Variants in MFAP1 observed in about 807,000 individuals in gnomAD.
MFAP1 encodes the protein microfibril associated protein 1, also known as microfibrillar-associated protein 1.
Under a neutral mutation model 62.2 loss-of-function variants are expected in MFAP1, and 18 were observed. The observed-to-expected ratio is 0.29, with a 90% CI of 0.20 to 0.43. The LOEUF is 0.43. Ranked by LOEUF, MFAP1 falls within the 20% of genes least tolerant of loss-of-function variation. The pLI is 1.00. For missense variants in MFAP1, 355 were observed against 559.7 expected (o/e 0.63, Z 3.69); for synonymous variants, 175 against 180.4 (o/e 0.97, Z 0.24).
intron 1 of MFAP1, among the ~76,000 whole-genome samples, chr15:43,823,255 A>C (rs759853502): frequency 2.1e-4 from 31 of 150,764 alleles, no homozygotes; most frequent in African/African-American, 7.6e-4. Context: ...CGAAGTGCTG[A>C]GATTACAGGT....
At chr15:43,816,523 G>C (rs1220854938) in intron 2 of MFAP1, among the ~76,000 whole-genome samples, 1 of 152,208 alleles carries the variant, frequency 6.6e-6, no homozygotes, top group Non-Finnish European at 1.5e-5. Flanking sequence ...AGGATTACAG[G>C]CGTGAGCCAC....
Position 43,824,484 on chromosome 15 carries a change from A to G in MFAP1, c.79+7T>C, listed in dbSNP as rs2087486763. The G allele has an allele frequency of 4.3e-6, 7 of 1,614,032 alleles. No individual in the cohort carries two copies. Among genetic ancestry groups the G allele is most frequent in the Non-Finnish European group, 5.9e-6 (7 of 1,179,966 alleles). On this transcript the variant is annotated splice_region_variant and intron_variant, in intron 1 of 8. Coordinates refer to ENST00000267812, the MANE Select transcript of MFAP1 (RefSeq NM_005926.3). ...ATTCGACTGGGAAGAGGGTGTTAGC[A>G]CCGTACCTTTCTCATTGCGAACTGG...
intron 7 of MFAP1, among the ~76,000 whole-genome samples, chr15:43,806,378 A>G (rs1274567300): frequency 6.6e-6 from 1 of 152,122 alleles, no homozygotes; most frequent in Non-Finnish European, 1.5e-5. Flanking sequence ...GGACCAGCGT[A>G]CTCTTCGATT....
At chr15:43,820,478 T>A (rs2087460686) in intron 1 of MFAP1, among the ~76,000 whole-genome samples, 1 of 152,230 alleles carries the variant, frequency 6.6e-6, no homozygotes, top group Non-Finnish European at 1.5e-5. Flanking sequence ...GATTATATGG[T>A]TGTCTTTGTA....
intron 4 of MFAP1, among the ~76,000 whole-genome samples, chr15:43,814,049 T>A (rs2087419593): frequency 6.6e-6 from 1 of 151,836 alleles, no homozygotes; most frequent in Non-Finnish European, 1.5e-5. Context: ...AGGTTGGGAG[T>A]TCGAGACCAG....
chr15:43,824,506 C>A lies in MFAP1; in HGVS notation c.64G>T (p.Val22Phe), dbSNP rs1316247344. 6.2e-7 allele frequency: 1 copy of A among 1,614,034 alleles called. No homozygotes were observed. Among genetic ancestry groups the A allele is most frequent in the African/African-American group, 1.3e-5 (1 of 74,914 alleles). ...AGCACCGTACCTTTCTCATTGCGAACTGGGACGGCCCCAGCCGTAGACTGA... is the reference window on the plus strand; with the variant it reads ...AGCACCGTACCTTTCTCATTGCGAAATGGGACGGCCCCAGCCGTAGACTGA... ...PIQSTAGAVP[V>F]RNEKGEISME... Residue 22 changes from valine to phenylalanine, a missense_variant, in exon 1 of 9, where the codon GTT becomes TTT. By Grantham distance (50) the Val-to-Phe change is conservative. This residue lies in a region of MFAP1 where 29 missense variants were observed against 46.0 expected (regional missense o/e 0.63). Transcript: ENST00000267812.
At chr15:43,819,126 G>A (rs1416231630) in intron 1 of MFAP1, among the ~76,000 whole-genome samples, 1 of 152,166 alleles carries the variant, frequency 6.6e-6, no homozygotes, top group Non-Finnish European at 1.5e-5. Flanking sequence ...CTGGAAGGTG[G>A]AGGTTGCAGT....
chr15:43,812,358 G>T (rs999699192), intron 6 of MFAP1, among the ~76,000 whole-genome samples: 3 of 152,130 alleles, frequency 2.0e-5, no homozygotes, highest in African/African-American at 7.2e-5. Flanking sequence ...TTGGCCTTGT[G>T]ACTTGCTTTG....
chr15:43,824,585 G>C lies in MFAP1; in HGVS notation c.-16C>G. ...GGACCGACATGTTGATGGCAGCGAC[G>C]GTGATTCCCGAAACTTGACTAATTC... is the stretch of plus-strand genomic sequence containing the variant. On this transcript the variant is annotated 5_prime_UTR_variant, in exon 1 of 9. Transcript: ENST00000267812. The C allele has an allele frequency of 2.5e-6, 4 of 1,613,994 alleles. No homozygotes were observed. The highest frequency in any genetic ancestry group is 3.4e-6 in the Non-Finnish European group (4 of 1,179,902).
intron 1 of MFAP1, among the ~76,000 whole-genome samples, chr15:43,823,394 T>TGA (rs1033305041): frequency 1.3e-5 from 2 of 151,288 alleles, no homozygotes; most frequent in Non-Finnish European, 3.0e-5. Context: ...TTTTTTTTTT[T>TGA]GAGAGAGTGT....
intron 7 of MFAP1, 152 bp from the exon 8 acceptor site, chr15:43,805,617 T>C (rs1055013039): frequency 4.1e-6 from 1 of 244,548 alleles, no homozygotes; most frequent in South Asian, 9.7e-5. Flanking sequence ...GATGACATTC[T>C]TTTTTTTTTT....
At chr15:43,808,021 T>A (rs552940341) in intron 7 of MFAP1, among the ~76,000 whole-genome samples, 1 of 152,082 alleles carries the variant, frequency 6.6e-6, no homozygotes, top group Non-Finnish European at 1.5e-5. Flanking sequence ...ACACCTGTAG[T>A]CCCAATTACT....
At chr15:43,822,446 T>A (rs188795136) in intron 1 of MFAP1, among the ~76,000 whole-genome samples, 117 of 152,258 alleles carry the variant, frequency 7.7e-4, no homozygotes, top group Admixed American at 2.4e-3. Flanking sequence ...TGATCTTGGC[T>A]CCATGAAACC....
intron 1 of MFAP1, among the ~76,000 whole-genome samples, chr15:43,822,315 C>A (rs1226371480): frequency 3.3e-5 from 5 of 151,474 alleles, no homozygotes; most frequent in African/African-American, 1.2e-4. Flanking sequence ...AAATCTGATA[C>A]AACCAAGTGT....
chr15:43,814,601 C>A lies in MFAP1; in HGVS notation c.517G>T (p.Gly173Cys). ...GATTCTGACTCCTCTCCAGAACGAC[C>A]CTCATCTTCCACTTCCATGACTTCC... is the stretch of plus-strand genomic sequence containing the variant. The part of the protein sequence containing the change: ...EMEVMEVEDE[G>C]RSGEESESES... Residue 173 changes from glycine (G) to cysteine (C), a missense_variant, in exon 4 of 9, where the codon GGT becomes TGT. Physicochemically the swap from Gly to Cys is radical, Grantham distance 159 (BLOSUM62 -3). Around this residue, in one of 6 missense-constraint regions of MFAP1, gnomAD observed 257 missense variants for 341.3 expected, o/e 0.75. Coordinates refer to ENST00000267812, the MANE Select transcript of MFAP1 (RefSeq NM_005926.3). 6.2e-7 allele frequency: 1 copy of A among 1,614,112 alleles called. No homozygotes were observed. The highest frequency in any genetic ancestry group is 8.5e-7 in the Non-Finnish European group (1 of 1,180,020).
At chr15:43,807,636 C>T (rs2087374281) in intron 7 of MFAP1, among the ~76,000 whole-genome samples, 1 of 151,990 alleles carries the variant, frequency 6.6e-6, no homozygotes, top group Non-Finnish European at 1.5e-5. Flanking sequence ...GCGTGAGCCA[C>T]CGCGCCCGGC....
chr15:43,804,764 T>C lies in MFAP1; in HGVS notation c.*330A>G. ...TTGTTCACTTACATGTCCACTTTTC[T>C]AACCCAAGCTAAGGGCTGGAAAAAG... On this transcript the variant is annotated 3_prime_UTR_variant, in exon 9 of 9. Coordinates refer to ENST00000267812, the MANE Select transcript of MFAP1 (RefSeq NM_005926.3). 1 of 215,498 alleles carries C rather than the reference T, an allele frequency of 4.6e-6. No homozygotes were observed. Among genetic ancestry groups the C allele is most frequent in the Non-Finnish European group, 9.1e-6 (1 of 110,432 alleles). The allele number at this position is 215,498 out of a possible 1,614,324, so 13.3% of individuals were successfully genotyped here.
chr15:43,819,811 G>T (rs1404557869), intron 1 of MFAP1, among the ~76,000 whole-genome samples: 1 of 152,208 alleles, frequency 6.6e-6, no homozygotes, highest in Non-Finnish European at 1.5e-5. Flanking sequence ...GGGATTTCAG[G>T]TGTGAGCCAC....
Position 43,817,302 on chromosome 15 carries a change from G to A in MFAP1, c.226C>T (p.Gln76Ter). 1 of 1,614,066 alleles carries A rather than the reference G, an allele frequency of 6.2e-7. No homozygotes were observed. The highest frequency in any genetic ancestry group is 8.5e-7 in the Non-Finnish European group (1 of 1,180,030). ...GGGTCACTGGATGAATCCTCCTCCT[G>A]TTCCTCAGGCTCTGCTTCTTGTTCT... The part of the protein sequence containing the change: ...AKEQEAEPEE[Q>*]EEDSSSDPRL... The change falls in exon 2 of 9, where the codon CAG becomes TAG. Residue 76 changes from glutamine (Q) to a stop codon, truncating the protein, a stop_gained. Coordinates refer to ENST00000267812, the MANE Select transcript of MFAP1 (RefSeq NM_005926.3). LOFTEE classifies it high-confidence loss of function.
Sources: allele counts gnomAD v4.1 joint callset (sites outside exome capture counted in the v4.1 genomes callset), GRCh38; gene constraint gnomAD v4.1.1; regional missense constraint gnomAD v4.1.1; transcripts MANE v1.5; gene names NCBI Gene and HGNC (gene_info 2026-07-23, HGNC 2026-07-21).